AGAP1: variants seen among roughly 807,000 people sequenced by gnomAD.
AGAP1 encodes arf-GAP with GTPase, ANK repeat and PH domain-containing protein 1.
AGAP1 carries 29 observed loss-of-function variants against 105.3 expected under a neutral mutation model. The observed-to-expected ratio is 0.28, with a 90% CI of 0.21 to 0.38. AGAP1 has a LOEUF of 0.38. Among genes scored for constraint, AGAP1 ranks in the 10% least tolerant of loss-of-function variants. The probability of loss-of-function intolerance (pLI) is 1.00; values close to 1 mark genes in which losing one functional copy is unlikely to be tolerated. For synonymous variants in AGAP1, 509 were observed against 485.9 expected, an observed-to-expected ratio of 1.05 and a Z score of -0.63; for missense variants, 998 against 1,165.1, an observed-to-expected ratio of 0.86 and a Z score of 2.09.
chr2:236,004,590 A>G (rs1190809109), intron 13 of AGAP1, among the ~76,000 whole-genome samples: 4 of 152,242 alleles, frequency 2.6e-5, no homozygotes, highest in Admixed American at 6.5e-5. Context: ...AATAAAATAT[A>G]TGGAGACAGC....
rs536335356 is a variant in AGAP1 at position 235,900,027 on chromosome 2, C to T, written c.1156-8711C>T. Among the ~76,000 whole-genome samples, 4 of 152,184 alleles carry T rather than the reference C, an allele frequency of 2.6e-5. No homozygotes were observed. Among genetic ancestry groups the T allele is most frequent in the Admixed American group, 2.0e-4 (3 of 15,280 alleles). ...CTTTGGACTGGTGGACTTGAGCCCACGCATGTTGGACACTGGCCTCCGCAG... is the reference window on the plus strand; with the variant it reads ...CTTTGGACTGGTGGACTTGAGCCCATGCATGTTGGACACTGGCCTCCGCAG... On this transcript the variant is annotated intron_variant, in intron 10 of 17. Coordinates refer to ENST00000304032, the MANE Select transcript of AGAP1 (RefSeq NM_001037131.3). This position sits in a 1 kb window ranked among gnomAD's most constrained non-coding sequence, Gnocchi z 5.5.
rs1479963281 is a variant in AGAP1 at position 235,983,246 on chromosome 2, C to T, written c.1645+14623C>T. ...TCTTTACAGGTGTGCAAAGGACCAGCGCTGCTGCAGGGAACATGGCTGGGA... is the reference window on the plus strand; with the variant it reads ...TCTTTACAGGTGTGCAAAGGACCAGTGCTGCTGCAGGGAACATGGCTGGGA... On this transcript the variant is annotated intron_variant, in intron 13 of 17. Transcript: ENST00000304032. This position sits in a 1 kb window ranked among gnomAD's most constrained non-coding sequence, Gnocchi z 4.5. 7.2e-5 allele frequency among the ~76,000 whole-genome samples: 11 copies of T among 152,168 alleles called. No individual in the cohort carries two copies. In the South Asian group the frequency reaches 2.1e-3, roughly 29 times the overall value.
chr2:235,584,935 C>T (rs1163302498), intron 1 of AGAP1, among the ~76,000 whole-genome samples: 1 of 126,960 alleles, frequency 7.9e-6, no homozygotes, highest in Non-Finnish European at 1.6e-5. Flanking sequence ...TAAAGAAAAC[C>T]CAAAACCAAA....
In AGAP1 at chr2:235,865,954, T is replaced by A. The variant is rs1240604541; in HGVS notation, c.1051-17391T>A. ...AATGATTTCTATGTTATCGATTTAC[T>A]TCTTTCACTTAACGGCATTTTCTGC... is the stretch of plus-strand genomic sequence containing the variant. On this transcript the variant is annotated intron_variant, in intron 9 of 17. Coordinates refer to ENST00000304032, the MANE Select transcript of AGAP1 (RefSeq NM_001037131.3). This position sits in a 1 kb window ranked among gnomAD's most constrained non-coding sequence, Gnocchi z 6.2. Among the ~76,000 whole-genome samples, 3 of 152,228 alleles carry A rather than the reference T, an allele frequency of 2.0e-5. No homozygotes were observed. Among genetic ancestry groups the A allele is most frequent in the Admixed American group, 1.3e-4 (2 of 15,278 alleles).
In AGAP1 at chr2:235,739,368, C is replaced by T. The variant is rs912801361; in HGVS notation, c.311-1595C>T. ...TTTCTTTTTTGCCTACGAGGACTCT[C>T]GATTCAGGGACCCTGAGTCTTTGGG... is the stretch of plus-strand genomic sequence containing the variant. On this transcript the variant is annotated intron_variant, in intron 3 of 17. Coordinates refer to ENST00000304032, the MANE Select transcript of AGAP1 (RefSeq NM_001037131.3). The surrounding 1 kb of genome is among the most constrained non-coding windows in gnomAD (Gnocchi z 5.3). Among the ~76,000 whole-genome samples the T allele has an allele frequency of 1.3e-5, 2 of 152,212 alleles. No homozygotes were observed. Among genetic ancestry groups the T allele is most frequent in the African/African-American group, 4.8e-5 (2 of 41,452 alleles).
intron 1 of AGAP1, among the ~76,000 whole-genome samples, chr2:235,499,140 G>A (rs920286142): frequency 1.3e-5 from 2 of 152,186 alleles, no homozygotes; most frequent in Non-Finnish European, 2.9e-5. Flanking sequence ...AGCTGGGCCC[G>A]TCCGACCTCA....
chr2:236,085,955 C>T (rs1320055139), intron 16 of AGAP1, among the ~76,000 whole-genome samples: 1 of 152,254 alleles, frequency 6.6e-6, no homozygotes, highest in Non-Finnish European at 1.5e-5. Context: ...GGCAGCAACG[C>T]TGACCACACT....
Position 236,089,181 on chromosome 2 carries a change from G to A in AGAP1, c.2115-31011G>A, listed in dbSNP as rs141239263. Among the ~76,000 whole-genome samples, 22 of 152,310 alleles carry A rather than the reference G, an allele frequency of 1.4e-4. No homozygotes were observed. The highest frequency in any genetic ancestry group is 4.3e-4 in the African/African-American group (18 of 41,574). ...AGTCCAGTTTGTACATTTCTGCATG[G>A]ATGAGGTCTTTTCAAAGCACATACA... On this transcript the variant is annotated intron_variant, in intron 16 of 17. Coordinates refer to ENST00000304032, the MANE Select transcript of AGAP1 (RefSeq NM_001037131.3). This position sits in a 1 kb window ranked among gnomAD's most constrained non-coding sequence, Gnocchi z 5.6.
Position 235,752,488 on chromosome 2 carries a change from CTT to C in AGAP1, c.673+2003_673+2004del, listed in dbSNP as rs1333200099. On this transcript the variant is annotated intron_variant, in intron 6 of 17. Coordinates refer to ENST00000304032, the MANE Select transcript of AGAP1 (RefSeq NM_001037131.3). This position sits in a 1 kb window ranked among gnomAD's most constrained non-coding sequence, Gnocchi z 4.3. ...GCCACCGCGCCTGGCTGTAAATAGA[CTT>C]TTCATGACGCAGAGCCACGCTTTGT... Among the ~76,000 whole-genome samples the C allele has an allele frequency of 1.3e-5, 2 of 152,114 alleles. No individual in the cohort carries two copies. The highest frequency in any genetic ancestry group is 2.9e-5 in the Non-Finnish European group (2 of 68,028).
Position 236,055,426 on chromosome 2 carries a change from C to A in AGAP1, c.2114+6145C>A, listed in dbSNP as rs534912734. On this transcript the variant is annotated intron_variant, in intron 16 of 17. Transcript: ENST00000304032. The surrounding 1 kb of genome is among the most constrained non-coding windows in gnomAD (Gnocchi z 6.2). ...TGTGCTCTGTGAGCCTCGTCTCTTC[C>A]AATATAAATTATCATGTGAACGCTG... Among the ~76,000 whole-genome samples the A allele has an allele frequency of 6.6e-6, 1 of 152,342 alleles. No individual in the cohort carries two copies. Among genetic ancestry groups the A allele is most frequent in the Admixed American group, 6.5e-5 (1 of 15,302 alleles).
At chr2:235,670,365 C>T in intron 1 of AGAP1, 1 of 538,052 alleles carries the variant, frequency 1.9e-6, no homozygotes, top group Non-Finnish European at 3.4e-6. Flanking sequence ...CGGCCGCGCG[C>T]TTGGGATTTC....
At chr2:235,782,752 A>T (rs1209851503) in intron 6 of AGAP1, among the ~76,000 whole-genome samples, 2 of 152,236 alleles carry the variant, frequency 1.3e-5, no homozygotes, top group Non-Finnish European at 2.9e-5. Context: ...TAGGAGTCCC[A>T]GTCACCTATT....
Position 235,625,414 on chromosome 2 carries a change from G to C in AGAP1, c.164-83765G>C, listed in dbSNP as rs1946606685. ...ATTCATGGGAGTCCTGCATCGCTGA[G>C]GTCAGGGGAGGTTCTGTAAATCTGG... On this transcript the variant is annotated intron_variant, in intron 1 of 17. Coordinates refer to ENST00000304032, the MANE Select transcript of AGAP1 (RefSeq NM_001037131.3). This position sits in a 1 kb window ranked among gnomAD's most constrained non-coding sequence, Gnocchi z 4.0. 6.6e-6 allele frequency among the ~76,000 whole-genome samples: 1 copy of C among 152,224 alleles called. No individual in the cohort carries two copies. Among genetic ancestry groups the C allele is most frequent in the African/African-American group, 2.4e-5 (1 of 41,464 alleles).
At chr2:235,941,471 T>A (rs2053255236) in intron 12 of AGAP1, among the ~76,000 whole-genome samples, 1 of 152,170 alleles carries the variant, frequency 6.6e-6, no homozygotes. Flanking sequence ...AATCGACGGA[T>A]AATCACTAAG....
chr2:235,822,637 AGAGGAGCTGGAGAAGCCCAAGGGTGAG>A (rs1302078723), intron 9 of AGAP1, among the ~76,000 whole-genome samples: 70 of 133,312 alleles, frequency 5.3e-4, no homozygotes, highest in African/African-American at 5.2e-4. Flanking sequence ...TCAGTGGTGA[AGAGGAGCTGGAGAAGCCCAAGGGTGAG>A]GAGGAGCTGG....
rs140866984 is a variant in AGAP1, at chr2:235,700,297, G to A, written c.164-8882G>A. Among the ~76,000 whole-genome samples the A allele has an allele frequency of 7.3e-3, 1,108 of 152,288 alleles. 16 individuals are homozygous for A. The highest frequency in any genetic ancestry group is 0.025 in the African/African-American group (1,059 of 41,558). ...TGCTCCACTCCTCAAGGCTGTAGGT[G>A]GGCCTCTGTTTTCACATTTTAAGAA... On this transcript the variant is annotated intron_variant, in intron 1 of 17. Transcript: ENST00000304032. The surrounding 1 kb of genome is among the most constrained non-coding windows in gnomAD (Gnocchi z 6.1).
chr2:235,637,844 C>T (rs920179951), intron 1 of AGAP1, among the ~76,000 whole-genome samples: 21 of 152,070 alleles, frequency 1.4e-4, no homozygotes, highest in Non-Finnish European at 2.5e-4. Context: ...TCCTTCAGCC[C>T]GAGAACCAGG....
At chr2:235,910,950 C>T (rs868602095) in intron 11 of AGAP1, among the ~76,000 whole-genome samples, 6 of 151,994 alleles carry the variant, frequency 3.9e-5, no homozygotes, top group Admixed American at 1.3e-4. Flanking sequence ...CTATTTTGTG[C>T]CAGAAGTTGT....
intron 6 of AGAP1, among the ~76,000 whole-genome samples, chr2:235,791,132 C>G (rs537458263): frequency 3.9e-5 from 6 of 152,282 alleles, no homozygotes; most frequent in African/African-American, 1.4e-4. Context: ...TAGAGTACAC[C>G]TTCTTTAACA....
Sources: gnomAD v4.1 joint callset for allele counts (sites outside exome capture counted in the v4.1 genomes callset) on GRCh38, gnomAD v4.1.1 for gene constraint, Gnocchi (gnomAD v3.1) non-coding constraint, MANE v1.5 for transcripts, NCBI Gene and HGNC (gene_info 2026-07-23, HGNC 2026-07-21) for gene names.